Variants in MYH7 observed in about 807,000 individuals in gnomAD.
The protein encoded by MYH7 is myosin-7.
MYH7 carries 129 observed loss-of-function variants against 225.4 expected under a neutral mutation model. The observed-to-expected ratio is 0.57, with a 90% confidence interval of 0.50 to 0.66. The LOEUF is 0.66. MYH7 is among the 30% of genes least tolerant of loss of function. The pLI, the probability that MYH7 is intolerant of heterozygous loss-of-function variation, is 0.00. For missense variants in MYH7, 1,649 were observed against 2,517.0 expected (o/e 0.66, Z 7.38); for synonymous variants, 971 against 1,007.6 (o/e 0.96, Z 0.69).
chr14:23,416,382 C>T, intron 33 of MYH7, 70 bp from the exon 34 acceptor site: 1 of 1,503,424 alleles, frequency 6.7e-7, no homozygotes, highest in South Asian at 1.2e-5. Context: ...GGCCTGCTCA[C>T]TAATCATGGA....
chr14:23,428,185 T>C (rs569139570), intron 15 of MYH7, among the ~76,000 whole-genome samples: 6 of 152,292 alleles, frequency 3.9e-5, no homozygotes, highest in Admixed American at 2.6e-4. Context: ...TGCACTCTTA[T>C]GATCCCCTAC....
intron 32 of MYH7, 60 bp from the exon 33 acceptor site, chr14:23,417,052 A>G: frequency 6.2e-7 from 1 of 1,614,024 alleles, no homozygotes; most frequent in Non-Finnish European, 8.5e-7. Flanking sequence ...AGTTGGAGGG[A>G]CACGCCTCTT....
In MYH7 at chr14:23,416,862, AC is replaced by A. The variant is rs1425503528; in HGVS notation, c.4644+5del. 6.2e-7 allele frequency: 1 copy of A among 1,614,006 alleles called. No homozygotes were observed. Among genetic ancestry groups the A allele is most frequent in the East Asian group, 2.2e-5 (1 of 44,872 alleles). Reference sequence around the variant, plus strand: ...CCTGCACCCCGTGCCCTGCACACACACACACCTCGGCCTCCTCCAGGGCTGA... The same window carrying A: ...CCTGCACCCCGTGCCCTGCACACACAACACCTCGGCCTCCTCCAGGGCTGA... On this transcript the variant is annotated splice_donor_5th_base_variant and intron_variant, in intron 33 of 39. Coordinates refer to ENST00000355349, the MANE Select transcript of MYH7 (RefSeq NM_000257.4).
At position 23,423,667 on chromosome 14, in the gene MYH7, G is replaced by A. The variant is rs397516176; in HGVS notation, c.2979C>T (p.Thr993=). The change falls in exon 24 of 40, where the codon ACC becomes ACT. Residue 993 remains threonine, a synonymous_variant. Transcript: ENST00000355349. ...AGLDEIIAKL[T]KEKKALQEAH... is the part of the protein sequence containing the mutation. ...CCTCTTGCAGAGCTTTCTTCTCCTT[G>A]GTCAGCTTGGCAATGATCTCATCCA... 8 of 1,613,890 alleles carry A rather than the reference G, an allele frequency of 5.0e-6. No homozygotes were observed. In the East Asian group the frequency reaches 1.8e-4, roughly 36 times the overall value.
rs769852384 is a variant in MYH7, at chr14:23,428,686, G to A, written c.1408-16C>T. On this transcript the variant is annotated splice_polypyrimidine_tract_variant and intron_variant, in intron 14 of 39. Coordinates refer to ENST00000355349, the MANE Select transcript of MYH7 (RefSeq NM_000257.4). ...AGCTGTTGAACTGCAGGGGGCATGA[G>A]GGGTGGGAGCAGTCAGAAAGTGGGT... is the stretch of plus-strand genomic sequence containing the variant. The A allele has an allele frequency of 1.5e-5, 24 of 1,614,026 alleles. No homozygotes were observed. Among genetic ancestry groups the A allele is most frequent in the Non-Finnish European group, 1.9e-5 (23 of 1,179,920 alleles).
rs730880759 is a variant in MYH7, at chr14:23,424,068, C to A, written c.2761G>T (p.Glu921Ter). Residue 921 changes from glutamate (E) to a stop codon, truncating the protein, a stop_gained, in exon 23 of 40, where the codon GAG becomes TAG. Transcript: ENST00000355349. LOFTEE classifies it high-confidence loss of function. Reference sequence around the variant, plus strand: ...TCATCCTCCAGCCTCTCGTTCATCTCCTTCACCTTGGCCTCCAGCTGAATC... The same window carrying A: ...TCATCCTCCAGCCTCTCGTTCATCTACTTCACCTTGGCCTCCAGCTGAATC... The part of the protein sequence containing the change: ...NKIQLEAKVK[E>*]MNERLEDEEE... 6.2e-7 allele frequency: 1 copy of A among 1,614,264 alleles called. No individual in the cohort carries two copies. The highest frequency in any genetic ancestry group is 8.5e-7 in the Non-Finnish European group (1 of 1,180,050).
chr14:23,427,324 C>T lies in MYH7; in HGVS notation c.1889-17G>A. On this transcript the variant is annotated splice_polypyrimidine_tract_variant and intron_variant, in intron 16 of 39. Transcript: ENST00000355349. ...TCTCAATAGCTGCAGGAAGGAGAGT[C>T]AACAAAAGAAGCATCAGTGTGGGGA... 6.2e-7 allele frequency: 1 copy of T among 1,613,894 alleles called. No individual in the cohort carries two copies. Among genetic ancestry groups the T allele is most frequent in the Non-Finnish European group, 8.5e-7 (1 of 1,179,882 alleles).
At chr14:23,421,394 T>C (rs1261078962) in intron 25 of MYH7, among the ~76,000 whole-genome samples, 1 of 152,230 alleles carries the variant, frequency 6.6e-6, no homozygotes, top group Non-Finnish European at 1.5e-5. Flanking sequence ...CACTATTGCT[T>C]TGGGTAACTC....
Position 23,420,191 on chromosome 14 carries a change from G to A in MYH7, c.3380C>T (p.Thr1127Ile). Residue 1127 changes from threonine to isoleucine, a missense_variant, in exon 27 of 40, where the codon ACC becomes ATC. Physicochemically the swap from Thr to Ile is moderately conservative, Grantham distance 89. Around this residue, in one of 12 missense-constraint regions of MYH7, gnomAD observed 106 missense variants for 198.8 expected, o/e 0.53. Transcript: ENST00000355349. ...ELEEELEAER[T>I]ARAKVEKLRS... ...CAGCTTCTCCACCTTAGCCCTGGCGGTGCGCTCGGCCTCCAGCTCCTCCTC... is the reference window on the plus strand; with the variant it reads ...CAGCTTCTCCACCTTAGCCCTGGCGATGCGCTCGGCCTCCAGCTCCTCCTC... 6.2e-7 allele frequency: 1 copy of A among 1,607,548 alleles called. No homozygotes were observed. Among genetic ancestry groups the A allele is most frequent in the Non-Finnish European group, 8.5e-7 (1 of 1,178,322 alleles).
At chr14:23,416,396 G>C (rs995158635) in intron 33 of MYH7, 84 bp from the exon 34 acceptor site, 8 of 1,440,716 alleles carry the variant, frequency 5.6e-6, no homozygotes, top group South Asian at 1.3e-5. Context: ...TCATGGATAC[G>C]AAGTGACTTC....
chr14:23,435,062 C>T lies in MYH7; in HGVS notation c.-65+558G>A, dbSNP rs1039666945. On this transcript the variant is annotated intron_variant, in intron 1 of 39. Transcript: ENST00000355349. ...GTACACAAAGACCTGGAACATCCTA[C>T]ACCCCCGTGCCTGTGAGTTCCTTCT... 2.6e-5 allele frequency among the ~76,000 whole-genome samples: 4 copies of T among 152,130 alleles called. No individual in the cohort carries two copies. In the East Asian group the frequency reaches 7.7e-4, roughly 29 times the overall value.
At chr14:23,419,785 TG>T in intron 27 of MYH7, 59 bp downstream of exon 27, 1 of 1,613,818 alleles carries the variant, frequency 6.2e-7, no homozygotes. Context: ...AGACACTACA[TG>T]GACAGAAAGG....
chr14:23,414,478 A>G (rs1344807578), intron 37 of MYH7, among the ~76,000 whole-genome samples: 1 of 152,172 alleles, frequency 6.6e-6, no homozygotes, highest in Non-Finnish European at 1.5e-5. Flanking sequence ...GCTGCAATGC[A>G]GGCCAGGAAA....
chr14:23,425,409 T>G lies in MYH7; in HGVS notation c.2296A>C (p.Lys766Gln), dbSNP rs397516141. The G allele has an allele frequency of 6.2e-7, 1 of 1,614,026 alleles. No homozygotes were observed. The highest frequency in any genetic ancestry group is 8.5e-7 in the Non-Finnish European group (1 of 1,180,008). Residue 766 changes from lysine (K) to glutamine (Q), a missense_variant, in exon 21 of 40, where the codon AAG becomes CAG. This residue lies in a region of MYH7 where 41 missense variants were observed against 124.8 expected (regional missense o/e 0.33). Transcript: ENST00000355349. This position sits in a 1 kb window ranked among gnomAD's most constrained non-coding sequence, Gnocchi z 4.6. ...YKFGHTKVFF[K>Q]AGLLGLLEEM... The stretch of plus-strand genomic sequence containing the variant: ...TCCAGCAGCCCCAGCAGCCCGGCCT[T>G]GAAGAACACCTGCAGGCAAGGTGTG...
Position 23,425,563 on chromosome 14 carries a change from T to C in MYH7, c.2286+132A>G. ...GCTGGAGCTGGGATGAGGGGAGTGG[T>C]GCTAGATGTTCCACTGGGAGGGGTA... is the stretch of plus-strand genomic sequence containing the variant. On this transcript the variant is annotated intron_variant, in intron 20 of 39. Coordinates refer to ENST00000355349, the MANE Select transcript of MYH7 (RefSeq NM_000257.4). The surrounding 1 kb of genome is among the most constrained non-coding windows in gnomAD (Gnocchi z 4.6). 6.4e-7 allele frequency: 1 copy of C among 1,571,040 alleles called. No homozygotes were observed. The highest frequency in any genetic ancestry group is 8.7e-7 in the Non-Finnish European group (1 of 1,150,410).
Position 23,417,583 on chromosome 14 carries a change from T to A in MYH7, c.4273A>T (p.Ile1425Phe). 1 of 1,612,648 alleles carries A rather than the reference T, an allele frequency of 6.2e-7. No homozygotes were observed. Among genetic ancestry groups the A allele is most frequent in the Non-Finnish European group, 8.5e-7 (1 of 1,180,032 alleles). Residue 1425 changes from isoleucine to phenylalanine, a missense_variant, in exon 31 of 40, where the codon ATC (isoleucine) becomes TTC (phenylalanine). Transcript: ENST00000355349. The stretch of plus-strand genomic sequence containing the variant: ...TCTACGTCCACCATCAAGTCCTCGA[T>A]CTCATTCTGTAGCCGGTGCTTGGTC... ...EKTKHRLQNE[I>F]EDLMVDVERS...
At chr14:23,427,121 G>T in intron 17 of MYH7, 119 bp downstream of exon 17, 1 of 1,011,944 alleles carries the variant, frequency 9.9e-7, no homozygotes, top group Non-Finnish European at 1.5e-6. Context: ...AAATGGTCCC[G>T]AATGCACCAA....
intron 33 of MYH7, among the ~76,000 whole-genome samples, chr14:23,416,630 A>G (rs1037817335): frequency 1.1e-4 from 16 of 152,260 alleles, no homozygotes; most frequent in Non-Finnish European, 1.8e-4. Context: ...ACCGGGAGGT[A>G]TGTGGAAATG....
In MYH7 at chr14:23,425,118, C is replaced by A. The variant is rs945752510; in HGVS notation, c.2424-94G>T. On this transcript the variant is annotated intron_variant, in intron 21 of 39. Coordinates refer to ENST00000355349, the MANE Select transcript of MYH7 (RefSeq NM_000257.4). This position sits in a 1 kb window ranked among gnomAD's most constrained non-coding sequence, Gnocchi z 4.6. Reference sequence around the variant, plus strand: ...GGAATATCCCATTTCCTTCATCCCTCCCACCCTTCCTGAGGCCTCTGACCC... The same window carrying A: ...GGAATATCCCATTTCCTTCATCCCTACCACCCTTCCTGAGGCCTCTGACCC... 1.2e-5 allele frequency: 19 copies of A among 1,607,630 alleles called. No individual in the cohort carries two copies. The African/African-American group carries it at 2.5e-4, about 21-fold the overall frequency.
Sources: gnomAD v4.1 joint callset for allele counts (sites outside exome capture counted in the v4.1 genomes callset) on GRCh38, gnomAD v4.1.1 for gene constraint, gnomAD v4.1.1 regional missense constraint, Gnocchi (gnomAD v3.1) non-coding constraint, MANE v1.5 for transcripts, NCBI Gene and HGNC (gene_info 2026-07-23, HGNC 2026-07-21) for gene names.